SPAG16: variants seen among roughly 807,000 people sequenced by gnomAD.
The protein encoded by SPAG16 is sperm-associated antigen 16 protein.
In SPAG16, 86 loss-of-function variants were observed where a neutral mutation model predicts 80.4. That is an observed-to-expected ratio of 1.07 (90% CI 0.90 to 1.28). The LOEUF (loss-of-function observed/expected upper bound fraction) is 1.28, where lower values mean the gene tolerates loss of function less well. Ranked by LOEUF, SPAG16 falls within the 50% of genes most tolerant of loss-of-function variation. SPAG16 has a pLI of 0.00. For synonymous variants in SPAG16, 294 were observed against 265.9 expected, an observed-to-expected ratio of 1.11 and a Z score of -1.03; for missense variants, 870 against 765.3, an observed-to-expected ratio of 1.14 and a Z score of -1.61.
chr2:214,189,065 C>G (rs1244708643), intron 15 of SPAG16, among the ~76,000 whole-genome samples: 1 of 152,084 alleles, frequency 6.6e-6, no homozygotes, highest in East Asian at 1.9e-4. Flanking sequence ...ACTTTCAGAA[C>G]TAACAAATCC....
chr2:214,197,741 A>G (rs971047912), intron 15 of SPAG16, among the ~76,000 whole-genome samples: 49 of 151,976 alleles, frequency 3.2e-4, no homozygotes, highest in African/African-American at 9.7e-4. Flanking sequence ...ATTGTAATGT[A>G]TGTGATAGCT....
chr2:213,596,088 T>C (rs2060877117), intron 10 of SPAG16, among the ~76,000 whole-genome samples: 1 of 152,092 alleles, frequency 6.6e-6, no homozygotes. Context: ...CTTCTCATTA[T>C]GACAAATTCA....
At chr2:214,224,698 T>C (rs1207179339) in intron 15 of SPAG16, among the ~76,000 whole-genome samples, 1 of 152,132 alleles carries the variant, frequency 6.6e-6, no homozygotes, top group African/African-American at 2.4e-5. Flanking sequence ...TCCTGGGAAA[T>C]TTTAAGTTTT....
rs2071124670 is a variant in SPAG16 at position 213,443,681 on chromosome 2, C to A, written c.943-46282C>A. Reference sequence around the variant, plus strand: ...GGGCATATACCCAGCAGAAGGATTGCTGGGTCATATGGTTTGTTCTACTTC... The same window carrying A: ...GGGCATATACCCAGCAGAAGGATTGATGGGTCATATGGTTTGTTCTACTTC... On this transcript the variant is annotated intron_variant, in intron 9 of 15. Coordinates refer to ENST00000331683, the MANE Select transcript of SPAG16 (RefSeq NM_024532.5). 2.6e-5 allele frequency among the ~76,000 whole-genome samples: 4 copies of A among 152,238 alleles called. No individual in the cohort carries two copies. The South Asian group carries it at 8.3e-4, about 32-fold the overall frequency.
chr2:213,591,192 G>A (rs999050736), intron 10 of SPAG16, among the ~76,000 whole-genome samples: 1 of 152,074 alleles, frequency 6.6e-6, no homozygotes, highest in African/African-American at 2.4e-5. Flanking sequence ...TGTCACTTAA[G>A]CTATATTAGA....
intron 15 of SPAG16, among the ~76,000 whole-genome samples, chr2:214,250,378 T>C (rs1287441817): frequency 6.6e-6 from 1 of 151,642 alleles, no homozygotes; most frequent in East Asian, 1.9e-4. Flanking sequence ...TTGGATATAA[T>C]TTTATGTTAA....
At chr2:214,004,064 G>C (rs115058585) in intron 12 of SPAG16, among the ~76,000 whole-genome samples, 1 of 152,188 alleles carries the variant, frequency 6.6e-6, no homozygotes. Flanking sequence ...TGCACATCAG[G>C]TGACTCAAAT....
At chr2:213,455,978 G>T (rs1049957932) in intron 9 of SPAG16, among the ~76,000 whole-genome samples, 1 of 152,150 alleles carries the variant, frequency 6.6e-6, no homozygotes, top group South Asian at 2.1e-4. Flanking sequence ...GTTTTGAATG[G>T]TTTTTTAAGG....
At chr2:213,311,715 A>G (rs893704639) in intron 4 of SPAG16, among the ~76,000 whole-genome samples, 1 of 151,622 alleles carries the variant, frequency 6.6e-6, no homozygotes. Flanking sequence ...ACCTTATTTC[A>G]TATGAAACAT....
At chr2:213,451,763 G>C (rs556216121) in intron 9 of SPAG16, among the ~76,000 whole-genome samples, 9 of 152,274 alleles carry the variant, frequency 5.9e-5, no homozygotes, top group South Asian at 2.1e-4. Flanking sequence ...CGGGTGTGCC[G>C]TATGTTGAGG....
chr2:213,821,944 T>A (rs2072968933), intron 10 of SPAG16, among the ~76,000 whole-genome samples: 1 of 152,208 alleles, frequency 6.6e-6, no homozygotes, highest in Non-Finnish European at 1.5e-5. Flanking sequence ...CTTTATCTAT[T>A]GGTCTATTGG....
At chr2:213,694,212 A>C (rs2065067304) in intron 10 of SPAG16, among the ~76,000 whole-genome samples, 1 of 152,180 alleles carries the variant, frequency 6.6e-6, no homozygotes, top group Non-Finnish European at 1.5e-5. Flanking sequence ...AGTAATTGTA[A>C]AATGTATTAT....
In SPAG16 at chr2:214,352,556, C is replaced by CTGTGTGTGTG. The variant is rs71409878; in HGVS notation, c.1721-57583_1721-57582insGTGTGTGTGT. 8.4e-4 allele frequency among the ~76,000 whole-genome samples: 81 copies of CTGTGTGTGTG among 96,068 alleles called. 1 individual carries two copies. In the South Asian group the frequency reaches 0.011, roughly 13 times the overall value. 63.0% of individuals were successfully genotyped at this position (96,068 alleles called of 152,430 possible). ...ATGCTTTTTGTCCTTGACTTTTTTT[C>CTGTGTGTGTG]TCTGTGTGTGTGTGTGTGTATGTGT... is the stretch of plus-strand genomic sequence containing the variant. On this transcript the variant is annotated intron_variant, in intron 15 of 15. Coordinates refer to ENST00000331683, the MANE Select transcript of SPAG16 (RefSeq NM_024532.5).
At chr2:213,961,379 AC>A in intron 12 of SPAG16, among the ~76,000 whole-genome samples, 1 of 152,240 alleles carries the variant, frequency 6.6e-6, no homozygotes, top group East Asian at 1.9e-4. Flanking sequence ...CTATCTGGAT[AC>A]CTTTTATTTC....
chr2:214,183,747 G>C (rs1163802517), intron 15 of SPAG16, among the ~76,000 whole-genome samples: 1 of 151,924 alleles, frequency 6.6e-6, no homozygotes, highest in Non-Finnish European at 1.5e-5. Context: ...CATCTGTGTA[G>C]TCCAAACTTG....
chr2:213,651,672 C>G (rs567074841), intron 10 of SPAG16, among the ~76,000 whole-genome samples: 95 of 152,204 alleles, frequency 6.2e-4, no homozygotes, highest in African/African-American at 2.3e-3. Flanking sequence ...GTGGTTCACT[C>G]TAATCTGAAA....
intron 10 of SPAG16, among the ~76,000 whole-genome samples, chr2:213,832,750 A>G (rs1332202071): frequency 6.6e-6 from 1 of 152,094 alleles, no homozygotes; most frequent in African/African-American, 2.4e-5. Context: ...TTCTTCATCA[A>G]CCTAAGCTTA....
At chr2:213,982,676 A>T (rs1466669555) in intron 12 of SPAG16, among the ~76,000 whole-genome samples, 2 of 148,816 alleles carry the variant, frequency 1.3e-5, no homozygotes, top group African/African-American at 4.9e-5. Context: ...TGTCTATGAC[A>T]TACTACGGTA....
rs781737075 is a variant in SPAG16 at position 213,656,096 on chromosome 2, C to T, written c.1070+166006C>T. Among the ~76,000 whole-genome samples the T allele has an allele frequency of 3.3e-5, 5 of 152,170 alleles. No individual in the cohort carries two copies. The South Asian group carries it at 6.2e-4, about 19-fold the overall frequency. On this transcript the variant is annotated intron_variant, in intron 10 of 15. Transcript: ENST00000331683. ...GATATTATAAATTTTCTTCTCTGCC[C>T]GAATATGCTGCTATAGACTAAAGTG...
Sources: gnomAD v4.1 joint callset for allele counts (sites outside exome capture counted in the v4.1 genomes callset) on GRCh38, gnomAD v4.1.1 for gene constraint, MANE v1.5 for transcripts, NCBI Gene and HGNC (gene_info 2026-07-23, HGNC 2026-07-21) for gene names.